EYS: variants seen among roughly 807,000 people sequenced by gnomAD.
The protein encoded by EYS is protein eyes shut homolog.
A neutral mutation model predicts 282.1 loss-of-function variants in EYS; 250 were observed. The observed-to-expected ratio is 0.89, with a 90% CI of 0.80 to 0.98. The LOEUF is 0.98. Ranked by LOEUF, EYS falls within the 50% of genes least tolerant of loss-of-function variation. The pLI, the probability that EYS is intolerant of heterozygous loss-of-function variation, is 0.00. For synonymous variants in EYS, 1,355 were observed against 1,282.9 expected (o/e 1.06, Z -1.20); for missense variants, 4,016 against 3,709.0 (o/e 1.08, Z -2.15).
intron 12 of EYS, among the ~76,000 whole-genome samples, chr6:65,258,441 G>A (rs1045409441): frequency 2.0e-5 from 3 of 151,906 alleles, no homozygotes; most frequent in East Asian, 1.9e-4. Context: ...GATTATTGAC[G>A]TATTTAACAT....
At chr6:64,086,947 T>C (rs1772175791) in intron 31 of EYS, among the ~76,000 whole-genome samples, 1 of 152,060 alleles carries the variant, frequency 6.6e-6, no homozygotes, top group East Asian at 1.9e-4. Flanking sequence ...TGCACATGCA[T>C]CAACTTTTAA....
chr6:64,674,553 A>G (rs1283137289), intron 22 of EYS, among the ~76,000 whole-genome samples: 1 of 152,076 alleles, frequency 6.6e-6, no homozygotes, highest in Admixed American at 6.6e-5. Context: ...GAAGTGATGG[A>G]TATACTTTAT....
At chr6:64,982,985 G>A (rs1181145728) in intron 14 of EYS, among the ~76,000 whole-genome samples, 1 of 151,188 alleles carries the variant, frequency 6.6e-6, no homozygotes. Context: ...GTCAGTGCCT[G>A]AGAAATGGAT....
chr6:64,711,150 G>A (rs1489154364), intron 22 of EYS, among the ~76,000 whole-genome samples: 2 of 152,068 alleles, frequency 1.3e-5, no homozygotes, highest in African/African-American at 4.8e-5. Context: ...AAAAGACATT[G>A]TTTACCTCAA....
chr6:65,150,022 CAGG>C (rs1286184645), intron 12 of EYS, among the ~76,000 whole-genome samples: 2 of 151,964 alleles, frequency 1.3e-5, no homozygotes, highest in Non-Finnish European at 2.9e-5. Context: ...CATCAGATCT[CAGG>C]AGAACTCACT....
chr6:64,444,485 T>C (rs1775056978), intron 26 of EYS, among the ~76,000 whole-genome samples: 1 of 152,204 alleles, frequency 6.6e-6, no homozygotes, highest in Admixed American at 6.5e-5. Context: ...TTAAGATATG[T>C]ATTTTATAGA....
chr6:64,358,085 T>C (rs547079682), intron 29 of EYS, among the ~76,000 whole-genome samples: 80 of 151,724 alleles, frequency 5.3e-4, no homozygotes, highest in Admixed American at 2.5e-3. Context: ...TGATGATGAA[T>C]TCCTGATTGA....
At chr6:64,852,916 T>G (rs1765930386) in intron 19 of EYS, among the ~76,000 whole-genome samples, 1 of 152,146 alleles carries the variant, frequency 6.6e-6, no homozygotes, top group African/African-American at 2.4e-5. Flanking sequence ...CACATTTCCA[T>G]TGTTTTAAAT....
At chr6:65,183,035 C>A (rs993704090) in intron 12 of EYS, among the ~76,000 whole-genome samples, 3 of 151,956 alleles carry the variant, frequency 2.0e-5, no homozygotes, top group African/African-American at 7.2e-5. Context: ...AAGCAATCTT[C>A]CTGCTGTGGC....
chr6:64,410,382 A>T lies in EYS; in HGVS notation c.5928-21542T>A, dbSNP rs138054400. Among the ~76,000 whole-genome samples the T allele has an allele frequency of 1.9e-3, 284 of 152,278 alleles. 1 individual carries two copies. Among genetic ancestry groups the T allele is most frequent in the African/African-American group, 6.5e-3 (272 of 41,564 alleles). ...CCTAGTTTCAAGGTTTTACTAACTG[A>T]AAATGAGTCGCATTGCTATCTTGTC... On this transcript the variant is annotated intron_variant, in intron 28 of 42. Coordinates refer to ENST00000503581, the MANE Select transcript of EYS (RefSeq NM_001142800.2).
At chr6:65,074,815 G>C in intron 12 of EYS, among the ~76,000 whole-genome samples, 1 of 151,984 alleles carries the variant, frequency 6.6e-6, no homozygotes, top group East Asian at 1.9e-4. Context: ...TTTAAAGAGA[G>C]AAATATGACC....
At chr6:65,632,220 C>A (rs1416457495) in intron 2 of EYS, among the ~76,000 whole-genome samples, 2 of 152,146 alleles carry the variant, frequency 1.3e-5, no homozygotes, top group African/African-American at 2.4e-5. Flanking sequence ...AAAGCAACTG[C>A]ATGCTTTGTA....
At chr6:65,562,725 T>C (rs905056501) in intron 2 of EYS, among the ~76,000 whole-genome samples, 1 of 152,080 alleles carries the variant, frequency 6.6e-6, no homozygotes, top group Non-Finnish European at 1.5e-5. Context: ...TGAAATGAAA[T>C]AAATACTGTG....
chr6:65,223,569 G>A (rs1298765530), intron 12 of EYS, among the ~76,000 whole-genome samples: 3 of 152,194 alleles, frequency 2.0e-5, no homozygotes, highest in Non-Finnish European at 4.4e-5. Flanking sequence ...CATATGATGT[G>A]TGTTGATATG....
intron 35 of EYS, among the ~76,000 whole-genome samples, chr6:63,945,070 T>C (rs530497921): frequency 1.3e-5 from 2 of 152,238 alleles, no homozygotes; most frequent in South Asian, 2.1e-4. Context: ...AATTATTTAA[T>C]GACAATATGA....
intron 2 of EYS, among the ~76,000 whole-genome samples, chr6:65,575,326 C>CTAAA (rs71002320): frequency 0.043 from 6,128 of 142,020 alleles, 370 homozygotes; most frequent in African/African-American, 0.14. Flanking sequence ...GACTTCCTCT[C>CTAAA]TAAATAAATA....
At chr6:64,261,156 T>C (rs564611454) in intron 30 of EYS, among the ~76,000 whole-genome samples, 1 of 152,070 alleles carries the variant, frequency 6.6e-6, no homozygotes, top group Non-Finnish European at 1.5e-5. Flanking sequence ...CATTAAGCAT[T>C]CCTATTTTTC....
At chr6:64,019,530 C>T (rs1025740656) in intron 33 of EYS, among the ~76,000 whole-genome samples, 4 of 151,934 alleles carry the variant, frequency 2.6e-5, no homozygotes, top group Non-Finnish European at 5.9e-5. Flanking sequence ...CCTGCCTTAG[C>T]CTCTCGAGTA....
chr6:64,452,172 A>C (rs961524516), intron 26 of EYS, among the ~76,000 whole-genome samples: 1 of 152,186 alleles, frequency 6.6e-6, no homozygotes, highest in African/African-American at 2.4e-5. Context: ...TCAGGATACA[A>C]AATCAATGTG....
Sources: allele counts gnomAD v4.1 joint callset (sites outside exome capture counted in the v4.1 genomes callset), GRCh38; gene constraint gnomAD v4.1.1; transcripts MANE v1.5; gene names NCBI Gene and HGNC (gene_info 2026-07-23, HGNC 2026-07-21).